GRIA1: variants seen among roughly 807,000 people sequenced by gnomAD.
The protein encoded by GRIA1 is glutamate ionotropic receptor AMPA type subunit 1, also known as glutamate receptor 1.
A neutral mutation model predicts 99.2 loss-of-function variants in GRIA1; 31 were observed. That is an observed-to-expected ratio of 0.31 (90% CI 0.23 to 0.42). GRIA1 has a LOEUF of 0.42. GRIA1 is among the 10% of genes least tolerant of loss of function. The pLI, the probability that GRIA1 is intolerant of heterozygous loss-of-function variation, is 1.00. For missense variants in GRIA1, 782 were observed against 1,157.5 expected, an observed-to-expected ratio of 0.68 and a Z score of 4.71; for synonymous variants, 438 against 432.4, an observed-to-expected ratio of 1.01 and a Z score of -0.16.
Position 153,636,179 on chromosome 5 carries a change from G to T in GRIA1, c.221-10749G>T, listed in dbSNP as rs564436362. On this transcript the variant is annotated intron_variant, in intron 2 of 15. Transcript: ENST00000285900. Reference sequence around the variant, plus strand: ...TGGGCTCAGACGTGTGTCCATCCTTGCATGACCCTTGGCTCCTCATCTGTT... The same window carrying T: ...TGGGCTCAGACGTGTGTCCATCCTTTCATGACCCTTGGCTCCTCATCTGTT... Among the ~76,000 whole-genome samples, 12 of 152,264 alleles carry T rather than the reference G, an allele frequency of 7.9e-5. 1 individual carries two copies. The South Asian group carries it at 2.5e-3, about 32-fold the overall frequency.
chr5:153,638,637 A>G (rs139877453), intron 2 of GRIA1, among the ~76,000 whole-genome samples: 1 of 152,248 alleles, frequency 6.6e-6, no homozygotes, highest in African/African-American at 2.4e-5. Flanking sequence ...TGAAATGCTG[A>G]CATCTAGATT....
chr5:153,757,048 G>A (rs140842040), intron 11 of GRIA1, among the ~76,000 whole-genome samples: 1 of 152,224 alleles, frequency 6.6e-6, no homozygotes, highest in East Asian at 1.9e-4. Flanking sequence ...TGTTAAGGAA[G>A]CTCAATGAAT....
rs34230296 is a variant in GRIA1, at chr5:153,788,085, G to GA, written c.2271-6523dup. On this transcript the variant is annotated intron_variant, in intron 13 of 15. Transcript: ENST00000285900. ...ACAGAGCAAGACTCCTTCTCAAAAAGAAAAAAAAAAAAATTAGTGCATCCA... is the reference window on the plus strand; with the variant it reads ...ACAGAGCAAGACTCCTTCTCAAAAAGAAAAAAAAAAAAAATTAGTGCATCCA... Among the ~76,000 whole-genome samples the GA allele has an allele frequency of 1.7e-4, 25 of 147,424 alleles. 1 individual carries two copies. Among genetic ancestry groups the GA allele is most frequent in the Non-Finnish European group, 2.7e-4 (18 of 66,438 alleles).
At chr5:153,531,163 C>A (rs1758063662) in intron 2 of GRIA1, among the ~76,000 whole-genome samples, 1 of 152,098 alleles carries the variant, frequency 6.6e-6, no homozygotes. Context: ...ACTTCAAGTA[C>A]AAAAGTTTTT....
rs1057266590 is a variant in GRIA1, at chr5:153,806,409, T to G, written c.2520+3919T>G. Among the ~76,000 whole-genome samples the G allele has an allele frequency of 7.2e-5, 11 of 151,960 alleles. 1 individual carries two copies. Among genetic ancestry groups the G allele is most frequent in the Admixed American group, 7.2e-4 (11 of 15,246 alleles). ...GCCTCCCGAGTAGCTGGGACTACAG[T>G]CACGTGCCACTACACCTGGCTAATT... On this transcript the variant is annotated intron_variant, in intron 15 of 15. Transcript: ENST00000285900.
intron 2 of GRIA1, among the ~76,000 whole-genome samples, chr5:153,609,127 G>A (rs1173348979): frequency 6.6e-6 from 1 of 152,158 alleles, no homozygotes; most frequent in African/African-American, 2.4e-5. Flanking sequence ...TTTCTGGCAA[G>A]CTCTTAAATG....
intron 2 of GRIA1, among the ~76,000 whole-genome samples, chr5:153,496,958 G>C (rs555619894): frequency 6.6e-6 from 1 of 152,048 alleles, no homozygotes; most frequent in Non-Finnish European, 1.5e-5. Flanking sequence ...CTCCACCAGA[G>C]GGTGGAGAAG....
chr5:153,506,318 T>G (rs13190477), intron 2 of GRIA1, among the ~76,000 whole-genome samples: 64 of 32,476 alleles, frequency 2.0e-3, no homozygotes, highest in Non-Finnish European at 3.7e-3. Flanking sequence ...GCAAGAAGGG[T>G]GTGTGTGTGT....
At chr5:153,578,679 C>T (rs562957495) in intron 2 of GRIA1, among the ~76,000 whole-genome samples, 113 of 152,258 alleles carry the variant, frequency 7.4e-4, no homozygotes, top group African/African-American at 2.6e-3. Flanking sequence ...GAGCCCAAGG[C>T]GGGTGGATCA....
intron 2 of GRIA1, among the ~76,000 whole-genome samples, chr5:153,539,802 C>A (rs1215358876): frequency 6.6e-6 from 1 of 152,176 alleles, no homozygotes; most frequent in East Asian, 1.9e-4. Flanking sequence ...TTATAAGATT[C>A]AAACCATCAC....
intron 2 of GRIA1, among the ~76,000 whole-genome samples, chr5:153,569,179 G>A (rs12153502): frequency 0.092 from 14,044 of 152,288 alleles, 723 homozygotes; most frequent in South Asian, 0.19. Flanking sequence ...CTAATGCTTA[G>A]TAAGGCACTA....
chr5:153,593,143 C>T (rs1029441332), intron 2 of GRIA1, among the ~76,000 whole-genome samples: 1 of 152,054 alleles, frequency 6.6e-6, no homozygotes, highest in Non-Finnish European at 1.5e-5. Flanking sequence ...AACACATGCC[C>T]GTAGTCGCAG....
At chr5:153,650,272 G>C (rs1422959311) in intron 3 of GRIA1, 58 bp from the exon 4 acceptor site, 1 of 1,493,074 alleles carries the variant, frequency 6.7e-7, no homozygotes, top group Non-Finnish European at 9.2e-7. Context: ...GATGGGAGTG[G>C]GTGGTGCCCA....
chr5:153,676,032 A>AT (rs1342314404), intron 6 of GRIA1, among the ~76,000 whole-genome samples: 1 of 151,678 alleles, frequency 6.6e-6, no homozygotes, highest in African/African-American at 2.4e-5. Flanking sequence ...AATTTTTTGT[A>AT]TTTTTTAGTA....
In GRIA1 at chr5:153,597,473, A is replaced by G. The variant is rs1002544784; in HGVS notation, c.221-49455A>G. 3.3e-5 allele frequency among the ~76,000 whole-genome samples: 5 copies of G among 152,260 alleles called. No homozygotes were observed. In the East Asian group the frequency reaches 5.8e-4, roughly 18 times the overall value. On this transcript the variant is annotated intron_variant, in intron 2 of 15. Coordinates refer to ENST00000285900, the MANE Select transcript of GRIA1 (RefSeq NM_000827.4). Reference sequence around the variant, plus strand: ...ATTCTGGTTGCTTCATTTCACATCTATGTGGCCTCAGACCAGTTATTTAAA... The same window carrying G: ...ATTCTGGTTGCTTCATTTCACATCTGTGTGGCCTCAGACCAGTTATTTAAA...
intron 11 of GRIA1, among the ~76,000 whole-genome samples, chr5:153,761,808 A>G (rs1404643011): frequency 1.3e-5 from 2 of 152,260 alleles, no homozygotes; most frequent in Non-Finnish European, 2.9e-5. Context: ...AAAAAGTGGT[A>G]TGTACTCAAT....
rs568617772 is a variant in GRIA1 at position 153,736,311 on chromosome 5, C to A, written c.1824-28123C>A. Among the ~76,000 whole-genome samples, 16 of 152,318 alleles carry A rather than the reference C, an allele frequency of 1.1e-4. 1 individual carries two copies. The highest frequency in any genetic ancestry group is 3.8e-4 in the African/African-American group (16 of 41,564). Reference sequence around the variant, plus strand: ...AAGAGACTGAACTCAAATTCCAATGCCTTTTTATCAAAATGCATATGTATA... The same window carrying A: ...AAGAGACTGAACTCAAATTCCAATGACTTTTTATCAAAATGCATATGTATA... On this transcript the variant is annotated intron_variant, in intron 11 of 15. Coordinates refer to ENST00000285900, the MANE Select transcript of GRIA1 (RefSeq NM_000827.4).
intron 4 of GRIA1, among the ~76,000 whole-genome samples, chr5:153,653,315 A>G (rs1232921388): frequency 2.0e-5 from 3 of 152,170 alleles, no homozygotes; most frequent in Non-Finnish European, 4.4e-5. Context: ...CCCAGAGGGC[A>G]TGTGAGGGCT....
intron 5 of GRIA1, among the ~76,000 whole-genome samples, chr5:153,670,095 A>G (rs1026747287): frequency 6.6e-6 from 1 of 152,242 alleles, no homozygotes; most frequent in Non-Finnish European, 1.5e-5. Context: ...TACGTCCCTC[A>G]GAACCACTTT....
Sources: gnomAD v4.1 joint callset for allele counts (sites outside exome capture counted in the v4.1 genomes callset) on GRCh38, gnomAD v4.1.1 for gene constraint, MANE v1.5 for transcripts, NCBI Gene and HGNC (gene_info 2026-07-23, HGNC 2026-07-21) for gene names.